Variants in CES4A observed in about 807,000 individuals in gnomAD.
CES4A encodes carboxylesterase 4A, also known as carboxylesterase 6.
CES4A carries 48 observed loss-of-function variants against 65.4 expected under a neutral mutation model. The ratio of observed to expected loss-of-function variants is 0.73; its 90% CI spans 0.58 to 0.93. The LOEUF is 0.93. Among genes scored for constraint, CES4A ranks in the 40% least tolerant of loss-of-function variants. The pLI is 0.00. For synonymous variants in CES4A, 247 were observed against 281.8 expected, an observed-to-expected ratio of 0.88 and a Z score of 1.24; for missense variants, 685 against 728.5, an observed-to-expected ratio of 0.94 and a Z score of 0.69.
At position 67,004,077 on chromosome 16, in the gene CES4A, C is replaced by T; in HGVS notation, c.940-7C>T. 1 of 1,613,802 alleles carries T rather than the reference C, an allele frequency of 6.2e-7. No homozygotes were observed. Among genetic ancestry groups the T allele is most frequent in the Non-Finnish European group, 8.5e-7 (1 of 1,179,950 alleles). ...GAGACTGGCTGGAAATGCCCTTTGCCTTGTAGATTATCTGGTCCATGAGCC... is the reference window on the plus strand; with the variant it reads ...GAGACTGGCTGGAAATGCCCTTTGCTTTGTAGATTATCTGGTCCATGAGCC... On this transcript the variant is annotated splice_polypyrimidine_tract_variant and splice_region_variant and intron_variant, in intron 8 of 13. Coordinates refer to ENST00000648724, the Ensembl canonical transcript of CES4A.
chr16:66,993,213 T>C (rs1047186317), intron 1 of CES4A, among the ~76,000 whole-genome samples: 2 of 152,220 alleles, frequency 1.3e-5, no homozygotes, highest in African/African-American at 4.8e-5. Context: ...GTATGTGTGC[T>C]TGTGTGTGCG....
chr16:66,998,486 G>A (rs932464484), intron 2 of CES4A, among the ~76,000 whole-genome samples: 3 of 152,138 alleles, frequency 2.0e-5, no homozygotes, highest in African/African-American at 7.2e-5. Context: ...CTACTTGGGA[G>A]GTTAAGGATC....
exon 1 of CES4A, chr16:66,988,739 A>T (rs1469974342): frequency 6.4e-7 from 1 of 1,554,262 alleles, no homozygotes; most frequent in Admixed American, 1.9e-5. Flanking sequence ...CAGTGTTGCC[A>T]TCACTCCTGC....
chr16:66,998,621 C>T (rs866085338), intron 2 of CES4A, among the ~76,000 whole-genome samples: 1 of 152,162 alleles, frequency 6.6e-6, no homozygotes, highest in African/African-American at 2.4e-5. Context: ...GTAATCCCAG[C>T]ACTTTGGGAG....
At chr16:66,992,992 G>A (rs968505589) in intron 1 of CES4A, among the ~76,000 whole-genome samples, 3 of 151,978 alleles carry the variant, frequency 2.0e-5, no homozygotes, top group Admixed American at 6.6e-5. Context: ...AGCCCAATTC[G>A]GTTTTGATAA....
intron 1 of CES4A, among the ~76,000 whole-genome samples, chr16:66,994,926 C>T (rs1465474123): frequency 6.6e-6 from 1 of 151,744 alleles, no homozygotes; most frequent in African/African-American, 2.4e-5. Flanking sequence ...ATCACTTGAA[C>T]CTGGAAGGTG....
At chr16:67,007,580 T>A (rs1965866079) in intron 13 of CES4A, 1 of 152,066 alleles carries the variant, frequency 6.6e-6, no homozygotes, top group African/African-American at 2.4e-5. Flanking sequence ...TCCTTTCAAA[T>A]CATCCTCCTT....
Position 67,003,233 on chromosome 16 carries a change from A to G in CES4A, c.796-23A>G. 1.2e-6 allele frequency: 2 copies of G among 1,611,482 alleles called. No individual in the cohort carries two copies. Among genetic ancestry groups the G allele is most frequent in the Non-Finnish European group, 1.7e-6 (2 of 1,177,558 alleles). On this transcript the variant is annotated intron_variant, in intron 6 of 13. Coordinates refer to ENST00000648724, the Ensembl canonical transcript of CES4A. The surrounding 1 kb of genome is among the most constrained non-coding windows in gnomAD (Gnocchi z 4.2). ...GAAGGGCAGGATGGAAGCACCACTG[A>G]GCATCCTTTCTTCTCTCTATAGAAG...
Position 67,000,873 on chromosome 16 carries a change from C to T in CES4A, c.419C>T (p.Pro140Leu), listed in dbSNP as rs764725932. ...TTCGTCCAGGTGATGGTCTGGTTCC[C>T]GGGAGGCGCCTTCATCGTGGGCGCT... The change falls in exon 4 of 14, where the codon CCG becomes CTG. Residue 140 changes from proline (P) to leucine (L), a missense_variant. Pro to Leu is a moderately conservative substitution (Grantham distance 98). Transcript: ENST00000648724. The surrounding 1 kb of genome is among the most constrained non-coding windows in gnomAD (Gnocchi z 4.2). The T allele has an allele frequency of 6.2e-7, 1 of 1,602,292 alleles. No homozygotes were observed.
At chr16:66,991,163 T>A (rs1964360262) in intron 1 of CES4A, among the ~76,000 whole-genome samples, 4 of 152,122 alleles carry the variant, frequency 2.6e-5, no homozygotes, top group Admixed American at 6.6e-5. Flanking sequence ...TAGCTGGGAT[T>A]ACAGGCACGC....
At chr16:67,004,551 G>GT (rs1965602328) in intron 9 of CES4A, among the ~76,000 whole-genome samples, 1 of 152,194 alleles carries the variant, frequency 6.6e-6, no homozygotes, top group African/African-American at 2.4e-5. Context: ...CTGGGTCAGG[G>GT]TAGATGCCCC....
At chr16:66,993,843 T>C (rs1472625995) in intron 1 of CES4A, among the ~76,000 whole-genome samples, 2 of 152,200 alleles carry the variant, frequency 1.3e-5, no homozygotes, top group Admixed American at 1.3e-4. Flanking sequence ...GGCTCATGCC[T>C]GTAATCCCAG....
chr16:67,008,403 G>A (rs1442555395), intron 13 of CES4A: 1 of 147,800 alleles, frequency 6.8e-6, no homozygotes, highest in African/African-American at 2.5e-5. Context: ...TTTTTTTTTT[G>A]TTTTTGTGTT....
chr16:67,001,540 CA>C lies in CES4A; in HGVS notation c.690+80del. ...CAAATGTATGCTCCACTGCACAGGCCATGTGCAGATTTGCGTGTACAGGAAC... is the reference window on the plus strand; with the variant it reads ...CAAATGTATGCTCCACTGCACAGGCCTGTGCAGATTTGCGTGTACAGGAAC... On this transcript the variant is annotated intron_variant, in intron 5 of 13. Transcript: ENST00000648724. This position sits in a 1 kb window ranked among gnomAD's most constrained non-coding sequence, Gnocchi z 4.1. The C allele has an allele frequency of 1.4e-6, 2 of 1,476,156 alleles. No homozygotes were observed. The highest frequency in any genetic ancestry group is 1.8e-6 in the Non-Finnish European group (2 of 1,098,144). The allele number at this position is 1,476,156 out of a possible 1,614,324, so 91.4% of individuals were successfully genotyped here.
In CES4A at chr16:67,000,902, T is replaced by G. The variant is rs1597080366; in HGVS notation, c.448T>G (p.Ser150Ala). The change falls in exon 4 of 14, where the codon TCT (serine) becomes GCT (alanine). Residue 150 changes from serine (S) to alanine (A), a missense_variant. Ser to Ala is a moderately conservative substitution (Grantham distance 99). Coordinates refer to ENST00000648724, the Ensembl canonical transcript of CES4A. The surrounding 1 kb of genome is among the most constrained non-coding windows in gnomAD (Gnocchi z 4.2). ...AGGCGCCTTCATCGTGGGCGCTGCT[T>G]CTTCGTACGAGGGCTCTGACTTGGC... The G allele has an allele frequency of 1.2e-6, 2 of 1,612,028 alleles. No individual in the cohort carries two copies. The highest frequency in any genetic ancestry group is 1.3e-5 in the African/African-American group (1 of 74,966).
chr16:67,007,070 C>A (rs1965823744), intron 13 of CES4A: 3 of 482,568 alleles, frequency 6.2e-6, no homozygotes, highest in Non-Finnish European at 1.1e-5. Context: ...CCACTGCACT[C>A]TTTTGGGCCC....
intron 1 of CES4A, among the ~76,000 whole-genome samples, chr16:66,994,272 T>C (rs1964632764): frequency 6.8e-6 from 1 of 146,376 alleles, no homozygotes; most frequent in Non-Finnish European, 1.5e-5. Flanking sequence ...AGTCTCACTC[T>C]GTTGCCCAGG....
At position 67,000,583 on chromosome 16, in the gene CES4A, G is replaced by A; in HGVS notation, c.261-55G>A. 6.6e-7 allele frequency: 1 copy of A among 1,513,162 alleles called. No individual in the cohort carries two copies. Among genetic ancestry groups the A allele is most frequent in the Non-Finnish European group, 8.9e-7 (1 of 1,125,606 alleles). 93.7% of individuals were successfully genotyped at this position (1,513,162 alleles called of 1,614,324 possible). ...CTTTGGGTTCCGTCTTCTCACTGCG[G>A]ACCCTGGATTGAAACGATCTCCCCG... On this transcript the variant is annotated intron_variant, in intron 2 of 13. Coordinates refer to ENST00000648724, the Ensembl canonical transcript of CES4A. This position sits in a 1 kb window ranked among gnomAD's most constrained non-coding sequence, Gnocchi z 4.2.
In CES4A at chr16:67,003,266, A is replaced by G. The variant is rs780773594; in HGVS notation, c.806A>G (p.His269Arg). ...TTCTTCTCTCTATAGAAGGTTGCCCACCTGGCTGGATGCAACCACAACAGC... is the reference window on the plus strand; with the variant it reads ...TTCTTCTCTCTATAGAAGGTTGCCCGCCTGGCTGGATGCAACCACAACAGC... The change falls in exon 7 of 14, where the codon CAC becomes CGC. Residue 269 changes from histidine to arginine, a missense_variant. Transcript: ENST00000648724. The surrounding 1 kb of genome is among the most constrained non-coding windows in gnomAD (Gnocchi z 4.2). The G allele has an allele frequency of 5.0e-6, 8 of 1,614,064 alleles. No individual in the cohort carries two copies. In the East Asian group the frequency reaches 1.8e-4, roughly 36 times the overall value.
Sources: gnomAD v4.1 joint callset for allele counts (sites outside exome capture counted in the v4.1 genomes callset) on GRCh38, gnomAD v4.1.1 for gene constraint, Gnocchi (gnomAD v3.1) non-coding constraint, MANE v1.5 for transcripts, NCBI Gene and HGNC (gene_info 2026-07-23, HGNC 2026-07-21) for gene names.